The following MTMR10 variants were observed in gnomAD, a reference collection of about 807,000 sequenced individuals.
The protein encoded by MTMR10 is myotubularin related protein 10, also known as myotubularin-related protein 10.
MTMR10 carries 56 observed loss-of-function variants against 88.1 expected under a neutral mutation model. The ratio of observed to expected loss-of-function variants is 0.64; its 90% CI spans 0.51 to 0.79. The LOEUF (loss-of-function observed/expected upper bound fraction) is 0.79. MTMR10 is among the 30% of genes least tolerant of loss of function. The pLI is 0.00. For missense variants in MTMR10, 883 were observed against 924.7 expected, an observed-to-expected ratio of 0.95 and a Z score of 0.58; for synonymous variants, 380 against 340.9, an observed-to-expected ratio of 1.11 and a Z score of -1.26.
chr15:30,971,525 G>A (rs1404469), intron 5 of MTMR10, among the ~76,000 whole-genome samples: 62,815 of 152,020 alleles, frequency 0.41, 14,399 homozygotes, highest in East Asian at 0.85. Context: ...TCATGAAAAG[G>A]CCAACTTGTT....
the MTMR10 span, chr15:30,925,842 T>C: frequency 6.2e-7 from 1 of 1,614,260 alleles, no homozygotes; most frequent in Non-Finnish European, 8.5e-7. Flanking sequence ...AGTCTGTGTT[T>C]GTGATGGAGG....
downstream of MTMR10, among the ~76,000 whole-genome samples, chr15:30,938,141 A>G (rs1212263239): frequency 3.3e-5 from 5 of 151,632 alleles, no homozygotes; most frequent in Non-Finnish European, 4.4e-5. Flanking sequence ...CCGAGATTGC[A>G]CCACTGCACT....
At chr15:30,951,337 T>C (rs1331985768) in intron 12 of MTMR10, among the ~76,000 whole-genome samples, 1 of 152,104 alleles carries the variant, frequency 6.6e-6, no homozygotes, top group African/African-American at 2.4e-5. Context: ...TTTGTACAAA[T>C]TAGACAGCAA....
chr15:30,949,448 TAAAAA>T (rs1403259741), intron 12 of MTMR10: 1 of 152,192 alleles, frequency 6.6e-6, no homozygotes, highest in Non-Finnish European at 1.5e-5. Flanking sequence ...ATCCTGTATG[TAAAAA>T]CTCCTACGGA....
chr15:30,931,196 T>A, the MTMR10 span, among the ~76,000 whole-genome samples: 1 of 152,190 alleles, frequency 6.6e-6, no homozygotes, highest in Admixed American at 6.5e-5. Flanking sequence ...ATCTACTATG[T>A]ACCCACAAAA....
chr15:30,987,078 G>A (rs192865216), intron 2 of MTMR10, among the ~76,000 whole-genome samples: 1 of 152,204 alleles, frequency 6.6e-6, no homozygotes, highest in South Asian at 2.1e-4. Context: ...CACATAATGA[G>A]AGGAAGATAA....
intron 11 of MTMR10, among the ~76,000 whole-genome samples, 164 bp downstream of exon 11, chr15:30,953,398 G>A (rs923362413): frequency 2.0e-5 from 3 of 152,204 alleles, no homozygotes; most frequent in Non-Finnish European, 4.4e-5. Flanking sequence ...CCCAGTGTCA[G>A]CTTCCTGGTT....
the MTMR10 span, chr15:30,930,580 G>A: frequency 1.2e-6 from 2 of 1,611,968 alleles, no homozygotes; most frequent in East Asian, 4.5e-5. Flanking sequence ...GTGCTCAGTG[G>A]TGTGTGCAGG....
chr15:30,943,918 C>G (rs2063126103), intron 14 of MTMR10: 6 of 985,264 alleles, frequency 6.1e-6, no homozygotes, highest in Middle Eastern at 5.2e-4. Context: ...AGTGTATACA[C>G]AACAGTTCGC....
intron 2 of MTMR10, among the ~76,000 whole-genome samples, chr15:30,980,386 A>G (rs957681502): frequency 1.3e-5 from 2 of 152,238 alleles, no homozygotes; most frequent in African/African-American, 4.8e-5. Flanking sequence ...AAAAAGCAAA[A>G]GCAAGAATTT....
intron 14 of MTMR10, among the ~76,000 whole-genome samples, chr15:30,945,526 T>A (rs2063156984): frequency 1.5e-5 from 2 of 132,424 alleles, no homozygotes; most frequent in Admixed American, 1.6e-4. Context: ...TGTCCTCGCC[T>A]CACGCACCTT....
intron 12 of MTMR10, chr15:30,948,789 G>C: frequency 2.6e-6 from 1 of 380,686 alleles, no homozygotes; most frequent in South Asian, 2.9e-5. Flanking sequence ...CTTTTGTCAA[G>C]GTATTAAGTA....
chr15:30,984,389 T>C (rs1327601835), intron 2 of MTMR10, among the ~76,000 whole-genome samples: 1 of 152,194 alleles, frequency 6.6e-6, no homozygotes, highest in Non-Finnish European at 1.5e-5. Flanking sequence ...GTTCTGAGGG[T>C]GTGTTACAAG....
chr15:30,920,646 T>C, the MTMR10 span: 2 of 1,597,226 alleles, frequency 1.3e-6, no homozygotes, highest in Non-Finnish European at 1.7e-6. Flanking sequence ...AGACTTCACA[T>C]GTATGAGGTT....
At chr15:30,977,641 G>A (rs909292308) in intron 2 of MTMR10, among the ~76,000 whole-genome samples, 9 of 152,120 alleles carry the variant, frequency 5.9e-5, no homozygotes, top group Admixed American at 2.0e-4. Context: ...TCAACTAGAC[G>A]CAGAACATTT....
At chr15:30,988,699 A>T (rs531810787) in intron 2 of MTMR10, among the ~76,000 whole-genome samples, 54 of 152,316 alleles carry the variant, frequency 3.5e-4, no homozygotes, top group African/African-American at 1.3e-3. Flanking sequence ...AGCTAATTTT[A>T]AAAAAGTGGC....
the MTMR10 span, chr15:30,927,651 A>G: frequency 1.0e-6 from 1 of 985,604 alleles, no homozygotes; most frequent in Non-Finnish European, 1.2e-6. Context: ...TGCTGCCAGT[A>G]CTGGCATGTC....
chr15:30,955,310 G>T (rs561295771), intron 9 of MTMR10, among the ~76,000 whole-genome samples: 8 of 152,178 alleles, frequency 5.3e-5, no homozygotes, highest in East Asian at 1.9e-4. Context: ...TCATACTGTC[G>T]CCCAGGCTGG....
chr15:30,970,530 C>CTAA (rs1244815003), intron 5 of MTMR10, among the ~76,000 whole-genome samples: 6 of 152,128 alleles, frequency 3.9e-5, no homozygotes, highest in South Asian at 2.1e-4. Context: ...AGTGGCTACA[C>CTAA]TAATATTCAC....
Sources: allele counts gnomAD v4.1 joint callset (sites outside exome capture counted in the v4.1 genomes callset), GRCh38; gene constraint gnomAD v4.1.1; transcripts MANE v1.5; gene names NCBI Gene and HGNC (gene_info 2026-07-23, HGNC 2026-07-21).